The following GALNT15 variants were observed in gnomAD, a reference collection of about 807,000 sequenced individuals.
GALNT15 encodes the protein UDP-GalNAc transferase T15.
A neutral mutation model predicts 66.8 loss-of-function variants in GALNT15; 67 were observed. That is an observed-to-expected ratio of 1.00 (90% confidence interval 0.82 to 1.23). The LOEUF (loss-of-function observed/expected upper bound fraction) is 1.23. GALNT15 is among the 50% of genes most tolerant of loss of function. GALNT15 has a pLI of 0.00. For missense variants in GALNT15, 827 were observed against 804.3 expected (o/e 1.03, Z -0.34); for synonymous variants, 313 against 311.5 (o/e 1.00, Z -0.05).
downstream of GALNT15, among the ~76,000 whole-genome samples, chr3:16,235,878 G>A (rs1339516133): frequency 2.0e-5 from 3 of 152,012 alleles, no homozygotes; most frequent in Non-Finnish European, 1.5e-5. Context: ...GCCAAGGCAG[G>A]CAGATCACTT....
downstream of GALNT15, among the ~76,000 whole-genome samples, chr3:16,236,556 TAAAAATAAA>T (rs2064126644): frequency 6.6e-6 from 1 of 152,176 alleles, no homozygotes; most frequent in Non-Finnish European, 1.5e-5. Flanking sequence ...ACAGATTACT[TAAAAATAAA>T]CAGAGAAATA....
Position 16,224,698 on chromosome 3 carries a change from A to G in GALNT15, c.1773+1940A>G, listed in dbSNP as rs1007466277. ...GTTGCCCAGGCTAGAGTTCAATGGC[A>G]GGATCTCGGCTCACTGCAACCTCTG... On this transcript the variant is annotated intron_variant, in intron 9 of 9. Transcript: ENST00000339732. This position sits in a 1 kb window ranked among gnomAD's most constrained non-coding sequence, Gnocchi z 5.2. Among the ~76,000 whole-genome samples, 1 of 148,970 alleles carries G rather than the reference A, an allele frequency of 6.7e-6. No individual in the cohort carries two copies. Among genetic ancestry groups the G allele is most frequent in the East Asian group, 2.0e-4 (1 of 5,048 alleles).
Position 16,227,410 on chromosome 3 carries a change from A to G in GALNT15, c.1830A>G (p.Glu610=). 6.2e-7 allele frequency: 1 copy of G among 1,614,202 alleles called. No homozygotes were observed. Among genetic ancestry groups the G allele is most frequent in the Non-Finnish European group, 8.5e-7 (1 of 1,180,036 alleles). Residue 610 remains glutamate, a synonymous_variant, in exon 10 of 10, where the codon GAA becomes GAG. Coordinates refer to ENST00000339732, the MANE Select transcript of GALNT15 (RefSeq NM_054110.5). The surrounding 1 kb of genome is among the most constrained non-coding windows in gnomAD (Gnocchi z 4.5). ...AATGCATGGAAGCTGTGGTGCAAGA[A>G]AACAATAAAGATTTGTACCTGCGTC... The part of the protein sequence containing the change: ...SGKCMEAVVQ[E]NNKDLYLRPC...
chr3:16,233,305 G>A (rs144224715), downstream of GALNT15, among the ~76,000 whole-genome samples: 1,938 of 151,740 alleles, frequency 0.013, 45 homozygotes, highest in African/African-American at 0.045. Flanking sequence ...ATGTTGGCCA[G>A]TCTGGTCTTG....
chr3:16,232,469 A>AATAAATAAATAAATAAATATATAT (rs1553689248), downstream of GALNT15, among the ~76,000 whole-genome samples: 1 of 38,750 alleles, frequency 2.6e-5, no homozygotes, highest in African/African-American at 8.0e-5. Flanking sequence ...TAAATAAATA[A>AATAAATAAATAAATAAATATATAT]ATATATATAT....
rs1368226753 is a variant in GALNT15 at position 16,174,862 on chromosome 3, G to T, written c.-290G>T. 7.1e-6 allele frequency: 3 copies of T among 423,084 alleles called. No individual in the cohort carries two copies. Among genetic ancestry groups the T allele is most frequent in the Non-Finnish European group, 1.3e-5 (3 of 235,720 alleles). 26.2% of individuals were successfully genotyped at this position (423,084 alleles called of 1,614,324 possible). A position where few individuals can be genotyped will look rare whatever the true frequency, so the allele number is the denominator to read the frequency against. ...TCCCAAGGAGAAAACCGGGGTAAAGGGAGGGAAGCAATTCAATTTGAAGTC... is the reference window on the plus strand; with the variant it reads ...TCCCAAGGAGAAAACCGGGGTAAAGTGAGGGAAGCAATTCAATTTGAAGTC... On this transcript the variant is annotated 5_prime_UTR_variant, in exon 1 of 10. Transcript: ENST00000339732. The surrounding 1 kb of genome is among the most constrained non-coding windows in gnomAD (Gnocchi z 4.7).
chr3:16,244,969 T>C, the GALNT15 span, among the ~76,000 whole-genome samples: 1 of 152,198 alleles, frequency 6.6e-6, no homozygotes, highest in African/African-American at 2.4e-5. Context: ...AGCCCTGTGC[T>C]AAGTGTCTTC....
rs1188179981 is a variant in GALNT15, at chr3:16,187,279, G to A, written c.540-8481G>A. 1.3e-5 allele frequency among the ~76,000 whole-genome samples: 2 copies of A among 152,040 alleles called. No homozygotes were observed. Among genetic ancestry groups the A allele is most frequent in the African/African-American group, 4.8e-5 (2 of 41,414 alleles). On this transcript the variant is annotated intron_variant, in intron 1 of 9. Coordinates refer to ENST00000339732, the MANE Select transcript of GALNT15 (RefSeq NM_054110.5). This position sits in a 1 kb window ranked among gnomAD's most constrained non-coding sequence, Gnocchi z 5.1. ...ACTCCATCTCAAAAAAAAAATTAGT[G>A]ATTTCAAACAATAACCATTTCTATG...
the GALNT15 span, among the ~76,000 whole-genome samples, chr3:16,241,360 A>T: frequency 3.9e-5 from 6 of 152,168 alleles, no homozygotes; most frequent in Non-Finnish European, 8.8e-5. The surrounding 1 kb of genome is among the most constrained non-coding windows in gnomAD (Gnocchi z 4.6). Context: ...ACAGAGCTAA[A>T]ATTTAGACAC....
chr3:16,246,985 T>C, the GALNT15 span, among the ~76,000 whole-genome samples: 1 of 152,210 alleles, frequency 6.6e-6, no homozygotes, highest in African/African-American at 2.4e-5. Context: ...TACCATTGTG[T>C]TTCCTCTTCA....
At chr3:16,202,270 T>C (rs2063712003) in intron 3 of GALNT15, among the ~76,000 whole-genome samples, 1 of 152,250 alleles carries the variant, frequency 6.6e-6, no homozygotes, top group Non-Finnish European at 1.5e-5. Context: ...AGATTGTCTC[T>C]TGACTCACAT....
In GALNT15 at chr3:16,176,904, TA is replaced by T. The variant is rs377195071; in HGVS notation, c.539+1217del. ...CAGCAGCCGGGAGTGAACATCTCCT[TA>T]AATTGTGTGCCCCGGGTGCCTCACT... On this transcript the variant is annotated intron_variant, in intron 1 of 9. Coordinates refer to ENST00000339732, the MANE Select transcript of GALNT15 (RefSeq NM_054110.5). The surrounding 1 kb of genome is among the most constrained non-coding windows in gnomAD (Gnocchi z 5.6). Among the ~76,000 whole-genome samples the T allele has an allele frequency of 5.1e-4, 77 of 152,266 alleles. No individual in the cohort carries two copies. The East Asian group carries it at 0.014, about 28-fold the overall frequency.
At chr3:16,220,475 C>T (rs903231150) in intron 8 of GALNT15, among the ~76,000 whole-genome samples, 12 of 152,186 alleles carry the variant, frequency 7.9e-5, no homozygotes, top group Admixed American at 3.3e-4. Flanking sequence ...CTCCTCATAT[C>T]TTAGGAGTAA....
At chr3:16,222,204 A>C (rs1324769288) in intron 8 of GALNT15, among the ~76,000 whole-genome samples, 1 of 152,254 alleles carries the variant, frequency 6.6e-6, no homozygotes, top group East Asian at 1.9e-4. Flanking sequence ...GAGAGCCAGC[A>C]GATACAACAA....
intron 2 of GALNT15, among the ~76,000 whole-genome samples, chr3:16,198,048 T>C (rs2063658953): frequency 1.4e-5 from 2 of 142,814 alleles, no homozygotes; most frequent in Admixed American, 7.1e-5. Flanking sequence ...GGAATATCAG[T>C]GAAGGACTAT....
rs1464930274 is a variant in GALNT15 at position 16,175,595 on chromosome 3, G to A, written c.444G>A (p.Glu148=). 2 of 1,613,668 alleles carry A rather than the reference G, an allele frequency of 1.2e-6. No homozygotes were observed. Among genetic ancestry groups the A allele is most frequent in the Non-Finnish European group, 8.5e-7 (1 of 1,180,010 alleles). The part of the protein sequence containing the change: ...DEDGEVSEEE[E]LTPFSLDPRG... The stretch of plus-strand genomic sequence containing the variant: ...ACGGGGAGGTGTCTGAAGAAGAGGA[G>A]TTGACCCCGTTCAGCCTGGACCCAC... Residue 148 remains glutamate, a synonymous_variant, in exon 1 of 10, where the codon GAG becomes GAA. Coordinates refer to ENST00000339732, the MANE Select transcript of GALNT15 (RefSeq NM_054110.5). The surrounding 1 kb of genome is among the most constrained non-coding windows in gnomAD (Gnocchi z 5.6).
At position 16,219,084 on chromosome 3, in the gene GALNT15, G is replaced by A. The variant is rs1047551212; in HGVS notation, c.1393-319G>A. On this transcript the variant is annotated intron_variant, in intron 6 of 9. Transcript: ENST00000339732. The surrounding 1 kb of genome is among the most constrained non-coding windows in gnomAD (Gnocchi z 4.3). ...ACCAGCCTCGGCCTCCCAAAGTGCT[G>A]GAGGTGTGAGCCACCACTCCCGGCC... Among the ~76,000 whole-genome samples the A allele has an allele frequency of 6.6e-6, 1 of 152,116 alleles. No homozygotes were observed. Among genetic ancestry groups the A allele is most frequent in the African/African-American group, 2.4e-5 (1 of 41,412 alleles).
chr3:16,224,135 A>G lies in GALNT15; in HGVS notation c.1773+1377A>G, dbSNP rs1471860703. 6.6e-6 allele frequency among the ~76,000 whole-genome samples: 1 copy of G among 152,250 alleles called. No individual in the cohort carries two copies. The highest frequency in any genetic ancestry group is 1.9e-4 in the East Asian group (1 of 5,196). On this transcript the variant is annotated intron_variant, in intron 9 of 9. Coordinates refer to ENST00000339732, the MANE Select transcript of GALNT15 (RefSeq NM_054110.5). This position sits in a 1 kb window ranked among gnomAD's most constrained non-coding sequence, Gnocchi z 5.2. ...AATAAGTAATAATGAGTAAAAGATT[A>G]GGGAGTAAGATACACCCAGCATATT... is the stretch of plus-strand genomic sequence containing the variant.
Position 16,184,508 on chromosome 3 carries a change from G to A in GALNT15, c.539+8818G>A, listed in dbSNP as rs1239473648. Reference sequence around the variant, plus strand: ...CATTCCCCACCTGCACTCTCTCTCTGGGCTGTGTCCTACCCACCCTTCAGG... The same window carrying A: ...CATTCCCCACCTGCACTCTCTCTCTAGGCTGTGTCCTACCCACCCTTCAGG... On this transcript the variant is annotated intron_variant, in intron 1 of 9. Transcript: ENST00000339732. This position sits in a 1 kb window ranked among gnomAD's most constrained non-coding sequence, Gnocchi z 5.0. 6.6e-6 allele frequency among the ~76,000 whole-genome samples: 1 copy of A among 152,160 alleles called. No homozygotes were observed. Among genetic ancestry groups the A allele is most frequent in the Non-Finnish European group, 1.5e-5 (1 of 68,024 alleles).
Sources: gnomAD v4.1 joint callset for allele counts (sites outside exome capture counted in the v4.1 genomes callset) on GRCh38, gnomAD v4.1.1 for gene constraint, Gnocchi (gnomAD v3.1) non-coding constraint, MANE v1.5 for transcripts, NCBI Gene and HGNC (gene_info 2026-07-23, HGNC 2026-07-21) for gene names.